Variants in VPS13B observed in about 807,000 individuals in gnomAD.
The protein encoded by VPS13B is vacuolar protein sorting 13 homolog B.
A neutral mutation model predicts 426.4 loss-of-function variants in VPS13B; 285 were observed. That is an observed-to-expected ratio of 0.67 (90% CI 0.61 to 0.74). The LOEUF (loss-of-function observed/expected upper bound fraction) is 0.74, where lower values mean the gene tolerates loss of function less well. VPS13B is among the 30% of genes least tolerant of loss of function. The pLI, the probability that VPS13B is intolerant of heterozygous loss-of-function variation, is 0.00. For synonymous variants in VPS13B, 1,676 were observed against 1,676.4 expected, an observed-to-expected ratio of 1.00 and a Z score of 0.01; for missense variants, 4,537 against 4,782.6, an observed-to-expected ratio of 0.95 and a Z score of 1.51.
At chr8:99,446,739 A>G (rs1168875216) in intron 23 of VPS13B, among the ~76,000 whole-genome samples, 6 of 152,206 alleles carry the variant, frequency 3.9e-5, no homozygotes, top group Non-Finnish European at 2.9e-5. Context: ...AAATGGTACA[A>G]CGCTAAGTAT....
Position 99,609,790 on chromosome 8 carries a change from C to T in VPS13B, c.5221-32021C>T, listed in dbSNP as rs189096786. Among the ~76,000 whole-genome samples the T allele has an allele frequency of 3.2e-4, 48 of 152,202 alleles. No homozygotes were observed. In the East Asian group the frequency reaches 6.6e-3, roughly 21 times the overall value. On this transcript the variant is annotated intron_variant, in intron 33 of 61. Coordinates refer to ENST00000357162, the MANE Select transcript of VPS13B (RefSeq NM_152564.5). ...GAAACTTACTTAGTTTGCTTCTTAC[C>T]GCAAGTGTATGGTCAGAAGGATTCA...
chr8:99,263,269 T>G (rs1348785338), intron 17 of VPS13B, among the ~76,000 whole-genome samples: 1 of 152,184 alleles, frequency 6.6e-6, no homozygotes, highest in Non-Finnish European at 1.5e-5. Flanking sequence ...ATAGAGAAAG[T>G]CAGTGTTGGC....
intron 35 of VPS13B, among the ~76,000 whole-genome samples, chr8:99,693,360 C>A (rs1368730323): frequency 6.6e-6 from 1 of 150,798 alleles, no homozygotes; most frequent in Non-Finnish European, 1.5e-5. Flanking sequence ...ATCAAGTGGG[C>A]ATCATCCCTG....
At chr8:99,016,383 T>A (rs556186946) in intron 2 of VPS13B, among the ~76,000 whole-genome samples, 1 of 152,300 alleles carries the variant, frequency 6.6e-6, no homozygotes, top group East Asian at 1.9e-4. Context: ...TACTACTTGT[T>A]ATGTTTGTTA....
At chr8:99,349,438 G>A (rs920070853) in intron 19 of VPS13B, among the ~76,000 whole-genome samples, 20 of 149,130 alleles carry the variant, frequency 1.3e-4, no homozygotes, top group Admixed American at 6.0e-4. Flanking sequence ...CCCCACAAAT[G>A]TACCAAAAAC....
chr8:99,536,511 G>C, intron 30 of VPS13B: 4 of 346,846 alleles, frequency 1.2e-5, no homozygotes, highest in South Asian at 9.6e-5. Flanking sequence ...TAATACCATA[G>C]TTATTTAGTG....
At chr8:99,233,420 G>C in intron 17 of VPS13B, 1 of 1,242,060 alleles carries the variant, frequency 8.1e-7, no homozygotes, top group Non-Finnish European at 1.2e-6. Context: ...CTTGCCAGCT[G>C]TTTGATGTGT....
chr8:99,498,156 G>A (rs1194216382), intron 25 of VPS13B, among the ~76,000 whole-genome samples: 5 of 151,948 alleles, frequency 3.3e-5, no homozygotes, highest in African/African-American at 1.2e-4. Flanking sequence ...GTAAATATAA[G>A]CTAATAATCT....
intron 54 of VPS13B, among the ~76,000 whole-genome samples, chr8:99,847,972 C>T (rs1173826023): frequency 6.6e-6 from 1 of 152,188 alleles, no homozygotes; most frequent in Non-Finnish European, 1.5e-5. Flanking sequence ...TACTGCAAAT[C>T]ATCAGAACCA....
intron 33 of VPS13B, among the ~76,000 whole-genome samples, chr8:99,579,245 C>A (rs1331733569): frequency 1.3e-5 from 2 of 152,052 alleles, no homozygotes; most frequent in Non-Finnish European, 2.9e-5. Context: ...GAATATGATT[C>A]AATTTTTAAA....
rs181565198 is a variant in VPS13B, at chr8:99,254,667, G to A, written c.2516-19531G>A. ...TTTATTTATTTATTTATTTAGAGACGGAATCTCACTGTGTCACCCAGGCTG... is the reference window on the plus strand; with the variant it reads ...TTTATTTATTTATTTATTTAGAGACAGAATCTCACTGTGTCACCCAGGCTG... On this transcript the variant is annotated intron_variant, in intron 17 of 61. Coordinates refer to ENST00000357162, the MANE Select transcript of VPS13B (RefSeq NM_152564.5). 9.2e-5 allele frequency among the ~76,000 whole-genome samples: 14 copies of A among 151,396 alleles called. No homozygotes were observed. The South Asian group carries it at 1.1e-3, about 11-fold the overall frequency.
chr8:99,359,649 A>G (rs1432945202), intron 19 of VPS13B, among the ~76,000 whole-genome samples: 1 of 152,254 alleles, frequency 6.6e-6, no homozygotes, highest in African/African-American at 2.4e-5. Flanking sequence ...TAATAAAATT[A>G]AACAACAGTT....
At chr8:99,029,580 C>T (rs1352386594) in intron 2 of VPS13B, among the ~76,000 whole-genome samples, 1 of 151,914 alleles carries the variant, frequency 6.6e-6, no homozygotes, top group Non-Finnish European at 1.5e-5. Flanking sequence ...GAGACCAGCC[C>T]GGCCAACACA....
chr8:99,816,106 C>G (rs1814019094), intron 44 of VPS13B, among the ~76,000 whole-genome samples: 1 of 147,372 alleles, frequency 6.8e-6, no homozygotes, highest in Non-Finnish European at 1.5e-5. Flanking sequence ...CTCTCTCTCT[C>G]TCTTTTTTTT....
intron 20 of VPS13B, among the ~76,000 whole-genome samples, chr8:99,387,754 G>GA (rs550452812): frequency 3.3e-4 from 49 of 150,078 alleles, no homozygotes; most frequent in Admixed American, 8.0e-4. Flanking sequence ...TCTGTTAGGT[G>GA]AAAAAAAAAT....
At chr8:99,298,029 C>G (rs945324821) in intron 19 of VPS13B, among the ~76,000 whole-genome samples, 16 of 152,118 alleles carry the variant, frequency 1.1e-4, no homozygotes, top group Non-Finnish European at 1.8e-4. Flanking sequence ...CTGACAGTAA[C>G]TTTATTAAAG....
intron 3 of VPS13B, among the ~76,000 whole-genome samples, chr8:99,089,094 G>C (rs1236968175): frequency 6.6e-6 from 1 of 152,148 alleles, no homozygotes; most frequent in African/African-American, 2.4e-5. Flanking sequence ...AGGCAGTAGG[G>C]CAAAGTGGTT....
At chr8:99,743,145 A>G (rs1233818736) in intron 39 of VPS13B, among the ~76,000 whole-genome samples, 1 of 152,230 alleles carries the variant, frequency 6.6e-6, no homozygotes, top group Non-Finnish European at 1.5e-5. Flanking sequence ...ATACAAAATC[A>G]CTGTGCAAAA....
chr8:99,692,690 A>C (rs1357809168), intron 35 of VPS13B, among the ~76,000 whole-genome samples: 1 of 137,040 alleles, frequency 7.3e-6, no homozygotes, highest in African/African-American at 2.8e-5. Flanking sequence ...AAATAACTAA[A>C]ATCAGAGCAG....
Sources: gnomAD v4.1 joint callset for allele counts (sites outside exome capture counted in the v4.1 genomes callset) on GRCh38, gnomAD v4.1.1 for gene constraint, MANE v1.5 for transcripts, NCBI Gene and HGNC (gene_info 2026-07-23, HGNC 2026-07-21) for gene names.